PLIN4: variants seen among roughly 807,000 people sequenced by gnomAD.
PLIN4 encodes perilipin 4.
Under a neutral mutation model 52.4 loss-of-function variants are expected in PLIN4, and 57 were observed. The observed-to-expected ratio is 1.09, with a 90% CI of 0.88 to 1.36. The LOEUF (loss-of-function observed/expected upper bound fraction) is 1.36. Among genes scored for constraint, PLIN4 ranks in the 40% most tolerant of loss-of-function variants. The pLI, the probability that PLIN4 is intolerant of heterozygous loss-of-function variation, is 0.00. For missense variants in PLIN4, 1,757 were observed against 1,770.3 expected, an observed-to-expected ratio of 0.99 and a Z score of 0.13; for synonymous variants, 826 against 785.4, an observed-to-expected ratio of 1.05 and a Z score of -0.86.
chr19:4,504,948 C>G lies in PLIN4; in HGVS notation c.3703-1G>C, dbSNP rs764042604. 1.2e-6 allele frequency: 2 copies of G among 1,600,814 alleles called. No homozygotes were observed. The highest frequency in any genetic ancestry group is 1.7e-6 in the Non-Finnish European group (2 of 1,175,124). ...CTGGAGCCTGCTGGGCCTTTTCAAT[C>G]TGGAGAGAGAGTACAGTGGGGAAAT... is the stretch of plus-strand genomic sequence containing the variant. On this transcript the variant is annotated splice_acceptor_variant, in intron 6 of 7. Transcript: ENST00000301286. LOFTEE classifies it high-confidence loss of function.
chr19:4,507,550 C>T (rs1177855686), intron 6 of PLIN4, among the ~76,000 whole-genome samples: 3 of 152,040 alleles, frequency 2.0e-5, no homozygotes, highest in African/African-American at 4.8e-5. Context: ...CTAAGCTGGG[C>T]GTGGTGGTGC....
At chr19:4,516,951 G>C (rs533910309) in intron 3 of PLIN4, among the ~76,000 whole-genome samples, 1 of 152,174 alleles carries the variant, frequency 6.6e-6, no homozygotes, top group Non-Finnish European at 1.5e-5. Flanking sequence ...CCTGAGTCCC[G>C]GGGTTCATAT....
At chr19:4,518,097 C>T in intron 2 of PLIN4, 125 bp downstream of exon 2, 1 of 854,930 alleles carries the variant, frequency 1.2e-6, no homozygotes, top group Non-Finnish European at 1.6e-6. Context: ...TCCCAGACCG[C>T]CCCCACCAGC....
chr19:4,505,217 C>T (rs1319968965), intron 6 of PLIN4, among the ~76,000 whole-genome samples: 2 of 152,182 alleles, frequency 1.3e-5, no homozygotes, highest in Admixed American at 1.3e-4. Context: ...TGCCCAGTAC[C>T]CTTAAGATAA....
chr19:4,509,797 A>G (rs890776534), intron 5 of PLIN4, among the ~76,000 whole-genome samples: 4 of 151,064 alleles, frequency 2.6e-5, no homozygotes, highest in African/African-American at 9.8e-5. Flanking sequence ...ATAGCCGGGC[A>G]TGGTGGTCCT....
chr19:4,517,797 C>G (rs1307479016), intron 2 of PLIN4, 99 bp from the exon 3 acceptor site: 22 of 1,434,238 alleles, frequency 1.5e-5, no homozygotes, highest in Non-Finnish European at 2.0e-5. Flanking sequence ...CGCCCCGGCC[C>G]CTTGCTCCTG....
chr19:4,517,720 G>A, intron 2 of PLIN4, 22 bp from the exon 3 acceptor site: 2 of 1,564,496 alleles, frequency 1.3e-6, no homozygotes, highest in East Asian at 2.4e-5. Context: ...CGGGGGGTGT[G>A]CAGGATGAGC....
intron 4 of PLIN4, among the ~76,000 whole-genome samples, chr19:4,515,323 G>T (rs1976557180): frequency 6.6e-6 from 1 of 151,768 alleles, no homozygotes; most frequent in Admixed American, 6.6e-5. Flanking sequence ...AGACTGGAGT[G>T]CAGTGGCGAG....
chr19:4,511,343 C>G lies in PLIN4; in HGVS notation c.2617G>C (p.Ala873Pro), dbSNP rs747539640. ...NTLGSGVTGA[A>P]KVAKGAVQGG... ...TGGACGGCCCCTTTGGCCACTTTCG[C>G]AGCACCGGTCACCCCACTGCCAAGG... The change falls in exon 5 of 8, where the codon GCG becomes CCG. Residue 873 changes from alanine (A) to proline (P), a missense_variant. By Grantham distance (27) the Ala-to-Pro change is conservative (BLOSUM62 -1). Coordinates refer to ENST00000301286, the MANE Select transcript of PLIN4 (RefSeq NM_001367868.2). 3.8e-6 allele frequency: 6 copies of G among 1,594,298 alleles called. No homozygotes were observed. In the East Asian group the frequency reaches 9.1e-5, roughly 24 times the overall value.
At position 4,512,584 on chromosome 19, in the gene PLIN4, T is replaced by G; in HGVS notation, c.1376A>C (p.Lys459Thr). 3.7e-6 allele frequency: 6 copies of G among 1,610,614 alleles called. No individual in the cohort carries two copies. Among genetic ancestry groups the G allele is most frequent in the Non-Finnish European group, 5.1e-6 (6 of 1,178,294 alleles). ...GTCCTTGGTACCAGTTAGAACGATC[T>G]TGGTGGTGTCCACGCCTGTCTGGAT... ...GTIQTGVDTT[K>T]IVLTGTKDTV... Residue 459 changes from lysine (K) to threonine (T), a missense_variant, in exon 5 of 8, where the codon AAG becomes ACG. By Grantham distance (78) the Lys-to-Thr change is moderately conservative. Around this residue, in one of 7 missense-constraint regions of PLIN4, gnomAD observed 439 missense variants for 406.4 expected, o/e 1.08. Coordinates refer to ENST00000301286, the MANE Select transcript of PLIN4 (RefSeq NM_001367868.2).
Position 4,504,852 on chromosome 19 carries a change from C to T in PLIN4, c.3789+9G>A. The T allele has an allele frequency of 1.2e-6, 2 of 1,604,842 alleles. No homozygotes were observed. Among genetic ancestry groups the T allele is most frequent in the South Asian group, 1.1e-5 (1 of 89,524 alleles). On this transcript the variant is annotated intron_variant, in intron 7 of 7. Transcript: ENST00000301286. The stretch of plus-strand genomic sequence containing the variant: ...GGGTGGGGGGACCCTAGCCCTGTGC[C>T]AGACCCACCTCCTGGACAGCAGCGT...
intron 6 of PLIN4, among the ~76,000 whole-genome samples, chr19:4,505,199 C>T (rs1462101322): frequency 1.3e-5 from 2 of 152,170 alleles, no homozygotes; most frequent in African/African-American, 2.4e-5. Context: ...CACCCCTAAA[C>T]CTGTGGCTGC....
rs1020148696 is a variant in PLIN4, at chr19:4,503,577, C to A, written c.*882G>T. On this transcript the variant is annotated 3_prime_UTR_variant, in exon 8 of 8. Coordinates refer to ENST00000301286, the MANE Select transcript of PLIN4 (RefSeq NM_001367868.2). ...CTGTTCCCAGCCCTGTCTGATCCCT[C>A]CATAGGGCACAGTTCCCTGCGGGGA... The A allele has an allele frequency of 1.3e-5, 2 of 152,382 alleles. No homozygotes were observed. The highest frequency in any genetic ancestry group is 4.8e-5 in the African/African-American group (2 of 41,468). 9.4% of individuals were successfully genotyped at this position (152,382 alleles called of 1,614,324 possible).
intron 4 of PLIN4, among the ~76,000 whole-genome samples, chr19:4,514,211 G>T (rs1410451311): frequency 1.3e-5 from 2 of 152,164 alleles, no homozygotes; most frequent in Non-Finnish European, 2.9e-5. Context: ...TAGCATGTTG[G>T]GAGGCCAAGG....
chr19:4,512,094 G>C lies in PLIN4; in HGVS notation c.1866C>G (p.Thr622=), dbSNP rs767490067. The change falls in exon 5 of 8, where the codon ACC becomes ACG. Residue 622 remains threonine, a synonymous_variant. Coordinates refer to ENST00000301286, the MANE Select transcript of PLIN4 (RefSeq NM_001367868.2). ...TGGTACCGGTTAGGACAGTTTTGGT[G>C]GTGTCCATGCCTGTCTGGACGGTCC... The part of the protein sequence containing the change: ...AKGTVQTGMD[T]TKTVLTGTKD... The C allele has an allele frequency of 6.2e-7, 1 of 1,605,700 alleles. No individual in the cohort carries two copies. The highest frequency in any genetic ancestry group is 1.4e-5 in the African/African-American group (1 of 71,528).
At chr19:4,517,888 G>A (rs963559522) in intron 2 of PLIN4, among the ~76,000 whole-genome samples, 190 bp from the exon 3 acceptor site, 6 of 152,212 alleles carry the variant, frequency 3.9e-5, no homozygotes, top group Admixed American at 1.3e-4. Flanking sequence ...TGCCTCCCAT[G>A]CACAGAGGAA....
chr19:4,504,299 T>A lies in PLIN4; in HGVS notation c.*160A>T. 1 of 722,130 alleles carries A rather than the reference T, an allele frequency of 1.4e-6. No individual in the cohort carries two copies. Among genetic ancestry groups the A allele is most frequent in the African/African-American group, 1.8e-5 (1 of 55,956 alleles). 44.7% of individuals were successfully genotyped at this position (722,130 alleles called of 1,614,324 possible). On this transcript the variant is annotated 3_prime_UTR_variant, in exon 8 of 8. Coordinates refer to ENST00000301286, the MANE Select transcript of PLIN4 (RefSeq NM_001367868.2). The stretch of plus-strand genomic sequence containing the variant: ...GCGTGGGGTGGCTCAGTTAAGAAGG[T>A]CACTGCCTCCGCAGCCCCTCGGCGC...
chr19:4,516,843 G>A (rs909701677), intron 3 of PLIN4, among the ~76,000 whole-genome samples, 165 bp from the exon 4 acceptor site: 1 of 152,242 alleles, frequency 6.6e-6, no homozygotes, highest in Non-Finnish European at 1.5e-5. Context: ...GCCAGACCTG[G>A]TCACCCCCCA....
intron 4 of PLIN4, among the ~76,000 whole-genome samples, chr19:4,515,365 G>A (rs1417854127): frequency 1.3e-5 from 2 of 151,256 alleles, no homozygotes; most frequent in Non-Finnish European, 3.0e-5. Flanking sequence ...CGCCTCCTGG[G>A]TTCAGTAATT....
Sources: allele counts gnomAD v4.1 joint callset (sites outside exome capture counted in the v4.1 genomes callset), GRCh38; gene constraint gnomAD v4.1.1; regional missense constraint gnomAD v4.1.1; transcripts MANE v1.5; gene names NCBI Gene and HGNC (gene_info 2026-07-23, HGNC 2026-07-21).